Variants in NRXN3 observed in about 807,000 individuals in gnomAD.
NRXN3 encodes neurexin III.
NRXN3 carries 32 observed loss-of-function variants against 137.6 expected under a neutral mutation model. The observed-to-expected ratio is 0.23, with a 90% CI of 0.18 to 0.31. The LOEUF (loss-of-function observed/expected upper bound fraction) is 0.31. Ranked by LOEUF, NRXN3 falls within the 10% of genes least tolerant of loss-of-function variation. The pLI is 1.00. For synonymous variants in NRXN3, 798 were observed against 784.5 expected (o/e 1.02, Z -0.29); for missense variants, 1,574 against 2,062.5 (o/e 0.76, Z 4.59).
chr14:79,216,137 C>A (rs1346035212), intron 15 of NRXN3, among the ~76,000 whole-genome samples: 1 of 152,114 alleles, frequency 6.6e-6, no homozygotes, highest in African/African-American at 2.4e-5. Context: ...CTAGAATTAC[C>A]TGGAGGCTTC....
At chr14:78,670,231 G>A (rs1293512000) in intron 6 of NRXN3, among the ~76,000 whole-genome samples, 1 of 152,150 alleles carries the variant, frequency 6.6e-6, no homozygotes, top group South Asian at 2.1e-4. Flanking sequence ...TGGTGTATAT[G>A]TGCCATAATT....
At chr14:79,133,362 A>G (rs371286193) in intron 15 of NRXN3, among the ~76,000 whole-genome samples, 2 of 151,962 alleles carry the variant, frequency 1.3e-5, no homozygotes, top group African/African-American at 4.8e-5. Flanking sequence ...TTTTAAGGCC[A>G]GACCAGACTG....
chr14:79,618,498 A>C lies in NRXN3; in HGVS notation c.3445-45280A>C, dbSNP rs374452281. Reference sequence around the variant, plus strand: ...AGGGTAATTGCCTCCAGGTGCATCCATGTTACTGAAAAGAACATGATTTCA... The same window carrying C: ...AGGGTAATTGCCTCCAGGTGCATCCCTGTTACTGAAAAGAACATGATTTCA... On this transcript the variant is annotated intron_variant, in intron 16 of 20. Coordinates refer to ENST00000335750, the MANE Select transcript of NRXN3 (RefSeq NM_001330195.2). Among the ~76,000 whole-genome samples, 9 of 151,874 alleles carry C rather than the reference A, an allele frequency of 5.9e-5. No individual in the cohort carries two copies. In the East Asian group the frequency reaches 1.2e-3, roughly 19 times the overall value.
rs143878784 is a variant in NRXN3 at position 78,358,165 on chromosome 14, A to C, written c.757+60305A>C. ...TTCATTTTGGAAAAAGAGAGACAGA[A>C]AGTCAAAAGTGTTTTGTGGAGTGCT... On this transcript the variant is annotated intron_variant, in intron 4 of 20. Coordinates refer to ENST00000335750, the MANE Select transcript of NRXN3 (RefSeq NM_001330195.2). Among the ~76,000 whole-genome samples the C allele has an allele frequency of 2.6e-4, 40 of 152,274 alleles. No homozygotes were observed. The Middle Eastern group carries it at 0.01, about 39-fold the overall frequency.
At chr14:79,834,270 T>C (rs1158613155) in intron 20 of NRXN3, among the ~76,000 whole-genome samples, 1 of 128,428 alleles carries the variant, frequency 7.8e-6, no homozygotes, top group Non-Finnish European at 1.6e-5. Flanking sequence ...TTACAAATGC[T>C]GGATTCCACC....
intron 15 of NRXN3, among the ~76,000 whole-genome samples, chr14:79,031,259 C>A (rs749723800): frequency 2.0e-5 from 3 of 151,968 alleles, no homozygotes; most frequent in Non-Finnish European, 2.9e-5. Context: ...AATATTAAAT[C>A]CAGCAAGGTT....
intron 15 of NRXN3, among the ~76,000 whole-genome samples, chr14:79,100,688 A>G (rs2051119428): frequency 6.6e-6 from 1 of 152,198 alleles, no homozygotes; most frequent in Non-Finnish European, 1.5e-5. Context: ...AGAATAGGGC[A>G]CCCCATGGGA....
At chr14:78,802,589 C>G (rs1290078508) in intron 8 of NRXN3, among the ~76,000 whole-genome samples, 1 of 152,180 alleles carries the variant, frequency 6.6e-6, no homozygotes, top group Non-Finnish European at 1.5e-5. Context: ...TAGAATCACA[C>G]TATAGTGTTA....
At chr14:78,322,301 G>A (rs944770603) in intron 4 of NRXN3, among the ~76,000 whole-genome samples, 1 of 152,018 alleles carries the variant, frequency 6.6e-6, no homozygotes, top group Non-Finnish European at 1.5e-5. Context: ...TAGGGAAGTT[G>A]AGTAAGGAGG....
At chr14:79,660,833 G>C (rs1345328377) in intron 16 of NRXN3, among the ~76,000 whole-genome samples, 2 of 152,064 alleles carry the variant, frequency 1.3e-5, no homozygotes, top group African/African-American at 4.8e-5. Flanking sequence ...CCTCATTTGT[G>C]GGGTGGGCAG....
chr14:79,409,262 T>C (rs1422566916), intron 15 of NRXN3, among the ~76,000 whole-genome samples: 1 of 151,908 alleles, frequency 6.6e-6, no homozygotes, highest in African/African-American at 2.4e-5. Flanking sequence ...TATGCAGGTA[T>C]ATTTTTCAAT....
At chr14:78,748,930 C>T (rs1024658607) in intron 8 of NRXN3, among the ~76,000 whole-genome samples, 8 of 152,184 alleles carry the variant, frequency 5.3e-5, no homozygotes, top group African/African-American at 1.4e-4. Flanking sequence ...CCAGGACATC[C>T]GTGTACAGCC....
chr14:79,408,024 A>T (rs961507928), intron 15 of NRXN3, among the ~76,000 whole-genome samples: 1 of 152,140 alleles, frequency 6.6e-6, no homozygotes, highest in Non-Finnish European at 1.5e-5. Flanking sequence ...CGGGATTTGC[A>T]GCTAGTAAGT....
chr14:78,555,801 C>T (rs1210520268), intron 4 of NRXN3, among the ~76,000 whole-genome samples: 3 of 152,122 alleles, frequency 2.0e-5, no homozygotes, highest in Non-Finnish European at 4.4e-5. Flanking sequence ...TTATTTCCAA[C>T]GTTGTGCCAA....
intron 15 of NRXN3, among the ~76,000 whole-genome samples, chr14:79,132,772 A>G (rs905554885): frequency 1.3e-5 from 2 of 152,212 alleles, no homozygotes; most frequent in Admixed American, 6.5e-5. Context: ...TTAGCATGCC[A>G]CATAATTTTT....
intron 11 of NRXN3, 84 bp from the exon 12 acceptor site, chr14:78,965,941 G>T: frequency 2.1e-6 from 3 of 1,460,498 alleles, no homozygotes; most frequent in Non-Finnish European, 2.8e-6. Context: ...TGTGGAAACA[G>T]GTTACACCCA....
intron 19 of NRXN3, among the ~76,000 whole-genome samples, chr14:79,715,107 C>A (rs2098819219): frequency 6.6e-6 from 1 of 152,118 alleles, no homozygotes; most frequent in Non-Finnish European, 1.5e-5. Flanking sequence ...GTGCCCACCA[C>A]CGCACCTGGC....
chr14:78,385,152 C>G (rs1045061692), intron 4 of NRXN3, among the ~76,000 whole-genome samples: 3 of 152,072 alleles, frequency 2.0e-5, no homozygotes, highest in African/African-American at 7.2e-5. Context: ...TTATATATGT[C>G]ATGTGGTTTC....
chr14:78,531,720 T>C (rs117566875), intron 4 of NRXN3, among the ~76,000 whole-genome samples: 3,334 of 152,216 alleles, frequency 0.022, 106 homozygotes, highest in African/African-American at 0.069. Context: ...AAGTGATAGA[T>C]AAAGATGTAG....
Sources: allele counts gnomAD v4.1 joint callset (sites outside exome capture counted in the v4.1 genomes callset), GRCh38; gene constraint gnomAD v4.1.1; transcripts MANE v1.5; gene names NCBI Gene and HGNC (gene_info 2026-07-23, HGNC 2026-07-21).